Variants in AXIN2 observed in about 807,000 individuals in gnomAD.
AXIN2 encodes axin-2.
In AXIN2, 21 loss-of-function variants were observed where a neutral mutation model predicts 74.7. That is an observed-to-expected ratio of 0.28 (90% CI 0.20 to 0.40). The LOEUF (loss-of-function observed/expected upper bound fraction) is 0.40, where lower values mean the gene tolerates loss of function less well. AXIN2 is among the 10% of genes least tolerant of loss of function. The pLI is 1.00. For synonymous variants in AXIN2, 532 were observed against 454.9 expected, an observed-to-expected ratio of 1.17 and a Z score of -2.16; for missense variants, 1,144 against 1,111.1, an observed-to-expected ratio of 1.03 and a Z score of -0.42.
chr17:65,539,289 A>G, intron 4 of AXIN2, among the ~76,000 whole-genome samples: 1 of 152,072 alleles, frequency 6.6e-6, no homozygotes. Context: ...CTAACTTGCA[A>G]AGGCTAGCAT....
At chr17:65,542,939 C>T (rs544342515) in intron 3 of AXIN2, among the ~76,000 whole-genome samples, 1 of 152,316 alleles carries the variant, frequency 6.6e-6, no homozygotes, top group African/African-American at 2.4e-5. Context: ...CCAGGAGTAA[C>T]TAGTCAACCT....
chr17:65,552,362 C>G (rs1035454361), intron 2 of AXIN2, among the ~76,000 whole-genome samples: 2 of 152,220 alleles, frequency 1.3e-5, no homozygotes, highest in African/African-American at 4.8e-5. Context: ...TCACCCAAGT[C>G]TTTAAAACAG....
rs1236306797 is a variant in AXIN2 at position 65,534,069 on chromosome 17, G to A, written c.2248C>T (p.Pro750Ser). The stretch of plus-strand genomic sequence containing the variant: ...GCGTGGACACCTGCCAGTTTCTTTG[G>A]CTCTTTGTGACTGAAAATAAGATGG... The part of the protein sequence containing the change: ...PSLAPEDHKE[P>S]KKLAGVHALQ... Residue 750 changes from proline (P) to serine (S), a missense_variant, in exon 10 of 11, where the codon CCA becomes TCA. Pro to Ser is a moderately conservative substitution (Grantham distance 74). Transcript: ENST00000307078. 8.1e-6 allele frequency: 13 copies of A among 1,614,100 alleles called. No individual in the cohort carries two copies. Among genetic ancestry groups the A allele is most frequent in the South Asian group, 1.1e-5 (1 of 91,088 alleles).
chr17:65,550,281 G>A (rs1037911981), intron 2 of AXIN2, among the ~76,000 whole-genome samples: 3 of 152,272 alleles, frequency 2.0e-5, no homozygotes, highest in African/African-American at 2.4e-5. Context: ...GCCATGAGCC[G>A]TTGCCATGCC....
intron 3 of AXIN2, among the ~76,000 whole-genome samples, chr17:65,548,524 C>T (rs1795456605): frequency 6.6e-6 from 1 of 152,218 alleles, no homozygotes; most frequent in African/African-American, 2.4e-5. Flanking sequence ...AATTCTGACT[C>T]CAAAACATTG....
At chr17:65,538,458 A>T (rs2043984444) in intron 4 of AXIN2, 115 bp from the exon 5 acceptor site, 4 of 1,415,608 alleles carry the variant, frequency 2.8e-6, no homozygotes, top group Non-Finnish European at 3.9e-6. Context: ...GTTCGGGTGT[A>T]GAGTGGATGG....
Position 65,528,698 on chromosome 17 carries a change from G to A in AXIN2, c.*1278C>T. ...AGTAGAACAAAATGTCATGACAAAA[G>A]TCATTGAGTACAAGACTTGTAATAA... On this transcript the variant is annotated 3_prime_UTR_variant, in exon 11 of 11. Transcript: ENST00000307078. 2.0e-6 allele frequency: 1 copy of A among 511,818 alleles called. No individual in the cohort carries two copies. Among genetic ancestry groups the A allele is most frequent in the Non-Finnish European group, 3.7e-6 (1 of 270,374 alleles). The allele number at this position is 511,818 out of a possible 1,614,324, so 31.7% of individuals were successfully genotyped here. A position where few individuals can be genotyped will look rare whatever the true frequency, so the allele number is the denominator to read the frequency against.
chr17:65,535,092 C>T (rs1006523834), intron 9 of AXIN2, among the ~76,000 whole-genome samples: 12 of 152,204 alleles, frequency 7.9e-5, no homozygotes, highest in Admixed American at 7.2e-4. Context: ...TGATACAGAC[C>T]ATTTTAGATC....
rs1367633896 is a variant in AXIN2, at chr17:65,533,938, C to T, written c.2379G>A (p.Glu793=). Residue 793 remains glutamate, a synonymous_variant, in exon 10 of 11, where the codon GAG becomes GAA. Transcript: ENST00000307078. ...TATAATTTCCCTTTTTGCTGAGCTG[C>T]TCTTTAAAGTGGCCCAGGGTCAAGC... ...AQSLTLGHFK[E]QLSKKGNYRY... is the part of the protein sequence containing the mutation. The T allele has an allele frequency of 5.6e-6, 9 of 1,614,008 alleles. No individual in the cohort carries two copies. The African/African-American group carries it at 9.3e-5, about 17-fold the overall frequency.
intron 2 of AXIN2, among the ~76,000 whole-genome samples, chr17:65,553,835 TA>T (rs1382925205): frequency 1.7e-3 from 78 of 46,040 alleles, no homozygotes; most frequent in African/African-American, 5.7e-3. Flanking sequence ...TGTGATTACT[TA>T]AAAAAAAAGG....
intron 1 of AXIN2, chr17:65,560,590 TAA>T (rs1357070592): frequency 2.6e-5 from 4 of 151,474 alleles, no homozygotes; most frequent in South Asian, 4.2e-4. Flanking sequence ...GCCACTCGGA[TAA>T]GTCTCCTCTC....
At chr17:65,543,346 A>G (rs538952700) in intron 3 of AXIN2, among the ~76,000 whole-genome samples, 19 of 152,258 alleles carry the variant, frequency 1.2e-4, no homozygotes, top group African/African-American at 4.6e-4. Context: ...AGCCCACCTA[A>G]AGATTATTTA....
intron 10 of AXIN2, among the ~76,000 whole-genome samples, chr17:65,531,531 C>G (rs942313953): frequency 6.6e-6 from 1 of 151,998 alleles, no homozygotes; most frequent in Non-Finnish European, 1.5e-5. Context: ...GGCTCAAATC[C>G]CAACGCCACC....
At position 65,537,008 on chromosome 17, in the gene AXIN2, G is replaced by C. The variant is rs1344737332; in HGVS notation, c.1768C>G (p.Leu590Val). The C allele has an allele frequency of 6.2e-7, 1 of 1,611,756 alleles. No individual in the cohort carries two copies. Among genetic ancestry groups the C allele is most frequent in the Non-Finnish European group, 8.5e-7 (1 of 1,179,860 alleles). ...KRNGKGTEPG[L>V]ALPAREGGAP... Reference sequence around the variant, plus strand: ...CCTCCTTCCCTGGCGGGCAGGGCCAGGCCCGGCTCCGTGCCTTTCCCATTG... The same window carrying C: ...CCTCCTTCCCTGGCGGGCAGGGCCACGCCCGGCTCCGTGCCTTTCCCATTG... The change falls in exon 7 of 11, where the codon CTG becomes GTG. Residue 590 changes from leucine to valine, a missense_variant. This residue lies in a region of AXIN2 where 1,053 missense variants were observed against 973.5 expected (regional missense o/e 1.08). Transcript: ENST00000307078.
At position 65,536,574 on chromosome 17, in the gene AXIN2, G is replaced by C. The variant is rs190627728; in HGVS notation, c.1908-21C>G. 860 of 1,612,328 alleles carry C rather than the reference G, an allele frequency of 5.3e-4. 8 individuals carry two copies. The Admixed American group carries it at 7.1e-3, about 13-fold the overall frequency. On this transcript the variant is annotated intron_variant, in intron 7 of 10. Coordinates refer to ENST00000307078, the MANE Select transcript of AXIN2 (RefSeq NM_004655.4). Reference sequence around the variant, plus strand: ...GGGCACTAAACAAGGAATGAGCAGAGAGAAAACAGAAGGAAAGAAACTGGG... The same window carrying C: ...GGGCACTAAACAAGGAATGAGCAGACAGAAAACAGAAGGAAAGAAACTGGG...
At chr17:65,539,623 TAATTTTAAAAC>T (rs1169358502) in intron 4 of AXIN2, among the ~76,000 whole-genome samples, 1 of 152,238 alleles carries the variant, frequency 6.6e-6, no homozygotes, top group Non-Finnish European at 1.5e-5. Context: ...TTTAATATGC[TAATTTTAAAAC>T]AAGGTAAGTC....
intron 3 of AXIN2, 125 bp downstream of exon 3, chr17:65,549,395 C>A: frequency 8.3e-7 from 1 of 1,206,316 alleles, no homozygotes; most frequent in Non-Finnish European, 1.2e-6. Context: ...TCCCACCAAA[C>A]TGATGTCCAT....
At chr17:65,555,853 AATATGCCCAGTTAAGAC>A (rs1199626263) in intron 2 of AXIN2, among the ~76,000 whole-genome samples, 1 of 152,080 alleles carries the variant, frequency 6.6e-6, no homozygotes, top group Non-Finnish European at 1.5e-5. Flanking sequence ...ATTCTCTTTA[AATATGCCCAGTTAAGAC>A]ATATGAGCTT....
intron 2 of AXIN2, among the ~76,000 whole-genome samples, chr17:65,555,975 C>T (rs958812649): frequency 6.6e-6 from 1 of 152,070 alleles, no homozygotes; most frequent in African/African-American, 2.4e-5. Flanking sequence ...GACAAGCTGT[C>T]ACCTCTTTAT....
Sources: gnomAD v4.1 joint callset for allele counts (sites outside exome capture counted in the v4.1 genomes callset) on GRCh38, gnomAD v4.1.1 for gene constraint, gnomAD v4.1.1 regional missense constraint, MANE v1.5 for transcripts, NCBI Gene and HGNC (gene_info 2026-07-23, HGNC 2026-07-21) for gene names.